DBF4: variants seen among roughly 807,000 people sequenced by gnomAD.
DBF4 encodes the protein DBF4-CDC7 kinase regulatory subunit, also known as protein DBF4 homolog A.
A neutral mutation model predicts 76.6 loss-of-function variants in DBF4; 25 were observed. That is an observed-to-expected ratio of 0.33 (90% CI 0.24 to 0.46). DBF4 has a LOEUF of 0.46. Among genes scored for constraint, DBF4 ranks in the 20% least tolerant of loss-of-function variants. The pLI is 1.00. For synonymous variants in DBF4, 213 were observed against 258.0 expected, an observed-to-expected ratio of 0.83 and a Z score of 1.67; for missense variants, 638 against 760.8, an observed-to-expected ratio of 0.84 and a Z score of 1.90.
Position 87,876,624 on chromosome 7 carries a change from G to T in DBF4, c.-109G>T. On this transcript the variant is annotated 5_prime_UTR_variant, in exon 1 of 12. Coordinates refer to ENST00000265728, the MANE Select transcript of DBF4 (RefSeq NM_006716.4). ...TACTGCGTAGAGGCCGTAGCTGGCG[G>T]AAGGAGAGAGGCGGCCGTCCTGTCA... 1 of 1,262,104 alleles carries T rather than the reference G, an allele frequency of 7.9e-7. No homozygotes were observed. 78.2% of individuals were successfully genotyped at this position (1,262,104 alleles called of 1,614,324 possible). A position where few individuals can be genotyped will look rare whatever the true frequency, so the allele number is the denominator to read the frequency against.
chr7:87,905,324 A>G (rs1387209823), intron 11 of DBF4, among the ~76,000 whole-genome samples: 2 of 152,368 alleles, frequency 1.3e-5, no homozygotes, highest in South Asian at 2.1e-4. Context: ...CCCACAGGCT[A>G]TATAGTGTAT....
chr7:87,882,427 A>T (rs888420026), intron 2 of DBF4, among the ~76,000 whole-genome samples: 1 of 152,218 alleles, frequency 6.6e-6, no homozygotes, highest in African/African-American at 2.4e-5. Flanking sequence ...TTTCTTGGAT[A>T]TGATACCAAA....
At position 87,904,295 on chromosome 7, in the gene DBF4, C is replaced by T; in HGVS notation, c.928C>T (p.Leu310Phe). Residue 310 changes from leucine to phenylalanine, a missense_variant, in exon 11 of 12, where the codon CTT becomes TTT. By Grantham distance (22) the Leu-to-Phe change is conservative. Transcript: ENST00000265728. Reference sequence around the variant, plus strand: ...CATGTTTTTAATTTTGTTTTAGCACCTTCTAAGTGAGCAACACAGAAACTT... The same window carrying T: ...CATGTTTTTAATTTTGTTTTAGCACTTTCTAAGTGAGCAACACAGAAACTT... ...LQKYEDLETHLLSEQHRNFAQ... is the reference protein window; with the variant it reads ...LQKYEDLETHFLSEQHRNFAQ... 6.2e-7 allele frequency: 1 copy of T among 1,601,106 alleles called. No individual in the cohort carries two copies. Among genetic ancestry groups the T allele is most frequent in the Non-Finnish European group, 8.5e-7 (1 of 1,176,588 alleles).
At position 87,904,319 on chromosome 7, in the gene DBF4, T is replaced by G. The variant is rs781595554; in HGVS notation, c.952T>G (p.Phe318Val). The change falls in exon 11 of 12, where the codon TTT becomes GTT. Residue 318 changes from phenylalanine (F) to valine (V), a missense_variant. Physicochemically the swap from Phe to Val is conservative, Grantham distance 50. Coordinates refer to ENST00000265728, the MANE Select transcript of DBF4 (RefSeq NM_006716.4). ...CCTTCTAAGTGAGCAACACAGAAAC[T>G]TTGCACAGAGTAACCAGTATCAAGT... ...THLLSEQHRNFAQSNQYQVVD... is the reference protein window; with the variant it reads ...THLLSEQHRNVAQSNQYQVVD... 4 of 1,612,608 alleles carry G rather than the reference T, an allele frequency of 2.5e-6. No homozygotes were observed. Among genetic ancestry groups the G allele is most frequent in the Non-Finnish European group, 3.4e-6 (4 of 1,179,642 alleles).
In DBF4 at chr7:87,885,149, A is replaced by G; in HGVS notation, c.390A>G (p.Ser130=). The G allele has an allele frequency of 4.4e-6, 7 of 1,608,014 alleles. No homozygotes were observed. The highest frequency in any genetic ancestry group is 5.9e-6 in the Non-Finnish European group (7 of 1,176,802). Residue 130 remains serine, a synonymous_variant, in exon 3 of 12, where the codon TCA becomes TCG. Coordinates refer to ENST00000265728, the MANE Select transcript of DBF4 (RefSeq NM_006716.4). ...GCCATGATGGAAGTTCATTTAAGTC[A>G]CCAGACACAGTAAGTCTCTTAAATA... ...HPSHDGSSFK[S]PDTVCLSRGK...
intron 2 of DBF4, chr7:87,878,542 A>C (rs1409792656): frequency 4.9e-6 from 1 of 202,232 alleles, no homozygotes; most frequent in African/African-American, 2.3e-5. Flanking sequence ...CTTGATTATG[A>C]ATCTTGGGGA....
At chr7:87,904,458 G>A (rs778936654) in intron 11 of DBF4, 42 bp downstream of exon 11, 9 of 1,570,896 alleles carry the variant, frequency 5.7e-6, no homozygotes, top group South Asian at 5.7e-5. Flanking sequence ...TCTACTAGGC[G>A]GCCAGGGGTG....
intron 1 of DBF4, 102 bp downstream of exon 1, chr7:87,876,880 T>C (rs768920961): frequency 4.5e-6 from 6 of 1,328,598 alleles, no homozygotes; most frequent in Non-Finnish European, 6.4e-6. Context: ...CTCAGCTTCT[T>C]TTCTTCTGAC....
chr7:87,884,766 T>G (rs1490682420), intron 2 of DBF4, among the ~76,000 whole-genome samples: 2 of 152,014 alleles, frequency 1.3e-5, no homozygotes, highest in African/African-American at 4.8e-5. Flanking sequence ...TATGAAACAG[T>G]TTATGGTTTT....
chr7:87,899,053 T>A (rs1839705795), intron 8 of DBF4, among the ~76,000 whole-genome samples: 1 of 152,130 alleles, frequency 6.6e-6, no homozygotes, highest in African/African-American at 2.4e-5. Flanking sequence ...TGCAAAAGAA[T>A]GGCATTAGAC....
chr7:87,898,942 A>G (rs1839703939), intron 8 of DBF4, among the ~76,000 whole-genome samples: 1 of 152,178 alleles, frequency 6.6e-6, no homozygotes, highest in Admixed American at 6.5e-5. Context: ...GAAATAAACC[A>G]TCACACATAT....
At chr7:87,881,752 T>C (rs908469399) in intron 2 of DBF4, among the ~76,000 whole-genome samples, 1 of 152,258 alleles carries the variant, frequency 6.6e-6, no homozygotes, top group African/African-American at 2.4e-5. Flanking sequence ...GACAACTGAA[T>C]AATTTATGTT....
At position 87,900,760 on chromosome 7, in the gene DBF4, T is replaced by G. The variant is rs980304895; in HGVS notation, c.810-4T>G. 6.2e-7 allele frequency: 1 copy of G among 1,609,514 alleles called. No homozygotes were observed. The highest frequency in any genetic ancestry group is 8.5e-7 in the Non-Finnish European group (1 of 1,177,926). On this transcript the variant is annotated splice_region_variant and splice_polypyrimidine_tract_variant and intron_variant, in intron 9 of 11. Coordinates refer to ENST00000265728, the MANE Select transcript of DBF4 (RefSeq NM_006716.4). ...AATTCTTTACCATGTATGTCTGTCA[T>G]CAGAATCCAAACAGATGGCGATAAG...
rs1839954296 is a variant in DBF4 at position 87,908,043 on chromosome 7, A to G, written c.1905A>G (p.Thr635=). The change falls in exon 12 of 12, where the codon ACA becomes ACG. Residue 635 remains threonine, a synonymous_variant. Transcript: ENST00000265728. ...AGAAATCAGAATTTTTGGGTTTCAC[A>G]AGCTACACAGAAAAGAGTGGTATAT... ...SEEKSEFLGF[T]SYTEKSGICN... The G allele has an allele frequency of 1.9e-6, 3 of 1,613,828 alleles. No individual in the cohort carries two copies. Among genetic ancestry groups the G allele is most frequent in the Non-Finnish European group, 2.5e-6 (3 of 1,179,786 alleles).
chr7:87,907,734 T>C lies in DBF4; in HGVS notation c.1596T>C (p.Gly532=). 6.2e-7 allele frequency: 1 copy of C among 1,614,094 alleles called. No homozygotes were observed. Among genetic ancestry groups the C allele is most frequent in the Non-Finnish European group, 8.5e-7 (1 of 1,179,970 alleles). The change falls in exon 12 of 12, where the codon GGT becomes GGC. Residue 532 remains glycine, a synonymous_variant. Coordinates refer to ENST00000265728, the MANE Select transcript of DBF4 (RefSeq NM_006716.4). The part of the protein sequence containing the change: ...DLHSIFTHDS[G]LITINSSQEH... ...ATTCAATATTTACTCATGATTCTGG[T>C]CTGATAACAATAAACAGTTCACAAG...
At chr7:87,895,062 CTTTT>C (rs1377768081) in intron 6 of DBF4, among the ~76,000 whole-genome samples, 1 of 151,644 alleles carries the variant, frequency 6.6e-6, no homozygotes, top group African/African-American at 2.4e-5. Context: ...TTTCCTTAGT[CTTTT>C]TTGTTTCCTC....
chr7:87,881,404 C>G (rs1206876060), intron 2 of DBF4, among the ~76,000 whole-genome samples: 1 of 152,182 alleles, frequency 6.6e-6, no homozygotes, highest in African/African-American at 2.4e-5. Context: ...GAGACTGTGT[C>G]TCAAAAGAAA....
chr7:87,897,409 G>C, intron 8 of DBF4, 70 bp downstream of exon 8: 5 of 1,441,674 alleles, frequency 3.5e-6, no homozygotes, highest in Non-Finnish European at 4.8e-6. Flanking sequence ...AACTAATTAG[G>C]CTAGCTCGAT....
intron 3 of DBF4, 102 bp from the exon 4 acceptor site, chr7:87,886,742 T>C: frequency 1.4e-6 from 1 of 733,834 alleles, no homozygotes; most frequent in African/African-American, 1.8e-5. Flanking sequence ...AGAGAAACTT[T>C]TTAATATGAG....
Sources: gnomAD v4.1 joint callset for allele counts (sites outside exome capture counted in the v4.1 genomes callset) on GRCh38, gnomAD v4.1.1 for gene constraint, MANE v1.5 for transcripts, NCBI Gene and HGNC (gene_info 2026-07-23, HGNC 2026-07-21) for gene names.